Variants in PDE1C observed in about 807,000 individuals in gnomAD.
The protein encoded by PDE1C is dual specificity calcium/calmodulin-dependent 3',5'-cyclic nucleotide phosphodiesterase 1C.
A neutral mutation model predicts 93.1 loss-of-function variants in PDE1C; 62 were observed. That is an observed-to-expected ratio of 0.67 (90% confidence interval 0.54 to 0.82). The LOEUF is 0.82. Among genes scored for constraint, PDE1C ranks in the 40% least tolerant of loss-of-function variants. The pLI is 0.00. For synonymous variants in PDE1C, 325 were observed against 310.1 expected, an observed-to-expected ratio of 1.05 and a Z score of -0.50; for missense variants, 742 against 884.6, an observed-to-expected ratio of 0.84 and a Z score of 2.04.
At chr7:32,194,296 C>T (rs527657106) in intron 2 of PDE1C, among the ~76,000 whole-genome samples, 15 of 152,246 alleles carry the variant, frequency 9.9e-5, no homozygotes, top group African/African-American at 3.6e-4. Context: ...CCTTATTATC[C>T]TTTTGATATC....
At position 32,361,263 on chromosome 7, in the gene PDE1C, G is replaced by A. The variant is rs117046947; in HGVS notation, c.310+66559C>T. On this transcript the variant is annotated intron_variant, in intron 1 of 1. Coordinates refer to the PDE1C transcript ENST00000672256. ...TCCTATCTGCAGTCTTTCACGGTAG[G>A]TGCAAAGGCAGGATGCCCTAAGATG... Among the ~76,000 whole-genome samples the A allele has an allele frequency of 1.1e-4, 17 of 152,302 alleles. No homozygotes were observed. The East Asian group carries it at 2.9e-3, about 26-fold the overall frequency.
At chr7:31,779,678 T>A (rs1783254968) in intron 16 of PDE1C, among the ~76,000 whole-genome samples, 1 of 152,044 alleles carries the variant, frequency 6.6e-6, no homozygotes, top group East Asian at 1.9e-4. Context: ...AAAATAAAAC[T>A]GGTTTTGATT....
chr7:31,857,760 G>T (rs1794201041), intron 7 of PDE1C, among the ~76,000 whole-genome samples: 1 of 152,144 alleles, frequency 6.6e-6, no homozygotes, highest in African/African-American at 2.4e-5. Flanking sequence ...AATAGTGTAA[G>T]AAGATTCTCA....
intron 1 of PDE1C, among the ~76,000 whole-genome samples, chr7:32,266,415 C>T (rs1473626098): frequency 1.3e-5 from 2 of 151,314 alleles, no homozygotes. Flanking sequence ...GCAGGAGAAT[C>T]GCTTGAACAC....
chr7:32,209,527 G>A, exon 2 of PDE1C: 6 of 1,566,426 alleles, frequency 3.8e-6, no homozygotes, highest in Non-Finnish European at 5.2e-6. Flanking sequence ...CTTGTCTCCA[G>A]CTTCATTTGC....
chr7:31,681,053 C>T, the PDE1C span, among the ~76,000 whole-genome samples: 3 of 152,282 alleles, frequency 2.0e-5, no homozygotes, highest in South Asian at 2.1e-4. Context: ...GGGGGAAATG[C>T]TATCATTGAG....
At chr7:31,809,954 G>A (rs996395480) in intron 15 of PDE1C, among the ~76,000 whole-genome samples, 1 of 152,034 alleles carries the variant, frequency 6.6e-6, no homozygotes, top group African/African-American at 2.4e-5. Context: ...GCCCACCATC[G>A]ATTATGGCAA....
the PDE1C span, among the ~76,000 whole-genome samples, chr7:31,676,822 AG>A: frequency 6.6e-6 from 1 of 152,216 alleles, no homozygotes; most frequent in African/African-American, 2.4e-5. Flanking sequence ...AGAAAAAAAA[AG>A]TCATGGTGGG....
intron 1 of PDE1C, among the ~76,000 whole-genome samples, chr7:32,214,994 T>TGATGATGATGAC (rs1806320271): frequency 1.3e-5 from 2 of 151,908 alleles, no homozygotes; most frequent in Admixed American, 6.6e-5. Context: ...ATGATGATGA[T>TGATGATGATGAC]GATGATGCAG....
chr7:31,691,655 G>C, the PDE1C span, among the ~76,000 whole-genome samples: 2 of 151,870 alleles, frequency 1.3e-5, no homozygotes, highest in African/African-American at 2.4e-5. Context: ...GGACAGATTT[G>C]TTCTCATGTC....
Position 32,267,556 on chromosome 7 carries a change from C to T in PDE1C, c.85+31095G>A, listed in dbSNP as rs777671427. On this transcript the variant is annotated intron_variant, in intron 1 of 18. Coordinates refer to the PDE1C transcript ENST00000396193. ...TTCCCTCAAACTACAGAAAATGCAG[C>T]CTCTTTCTCTCTCTCTCACACACAC... Among the ~76,000 whole-genome samples the T allele has an allele frequency of 1.1e-4, 15 of 133,514 alleles. 1 individual carries two copies. The highest frequency in any genetic ancestry group is 9.6e-4 in the Admixed American group (13 of 13,554). The allele number at this position is 133,514 out of a possible 152,430, so 87.6% of individuals were successfully genotyped here. A position where few individuals can be genotyped will look rare whatever the true frequency, so the allele number is the denominator to read the frequency against.
chr7:32,190,925 G>A (rs1013709017), intron 2 of PDE1C, among the ~76,000 whole-genome samples: 1 of 152,138 alleles, frequency 6.6e-6, no homozygotes, highest in African/African-American at 2.4e-5. Flanking sequence ...GGTTTTCTTG[G>A]TGATCAGCAG....
intron 2 of PDE1C, among the ~76,000 whole-genome samples, chr7:31,923,712 A>C (rs1802951529): frequency 1.3e-5 from 2 of 152,194 alleles, no homozygotes; most frequent in South Asian, 4.1e-4. Flanking sequence ...ACCGTGGCTC[A>C]TGCCTATAAT....
At position 32,105,966 on chromosome 7, in the gene PDE1C, T is replaced by C. The variant is rs188769385; in HGVS notation, c.308+63819A>G. On this transcript the variant is annotated intron_variant, in intron 3 of 18. Coordinates refer to the PDE1C transcript ENST00000396193. Reference sequence around the variant, plus strand: ...TAAGAACCACCCCCACCATTTTCTCTCTATCCATGTATACAGCTTACAACT... The same window carrying C: ...TAAGAACCACCCCCACCATTTTCTCCCTATCCATGTATACAGCTTACAACT... Among the ~76,000 whole-genome samples the C allele has an allele frequency of 2.0e-5, 3 of 152,246 alleles. No individual in the cohort carries two copies. The East Asian group carries it at 5.8e-4, about 29-fold the overall frequency.
chr7:32,029,764 A>C (rs1328615705), intron 2 of PDE1C, among the ~76,000 whole-genome samples: 1 of 152,154 alleles, frequency 6.6e-6, no homozygotes, highest in African/African-American at 2.4e-5. Flanking sequence ...TTTTCAAGGC[A>C]ATGAACATTG....
chr7:32,249,824 G>C (rs897363850), intron 1 of PDE1C, among the ~76,000 whole-genome samples: 1 of 152,132 alleles, frequency 6.6e-6, no homozygotes, highest in Non-Finnish European at 1.5e-5. Flanking sequence ...AGGTTCTAAA[G>C]TTAGTTCACG....
At chr7:31,941,768 C>A (rs1391757799) in intron 2 of PDE1C, among the ~76,000 whole-genome samples, 1 of 152,136 alleles carries the variant, frequency 6.6e-6, no homozygotes, top group Non-Finnish European at 1.5e-5. Flanking sequence ...GTGGCCTGGG[C>A]ACATCCCTTA....
chr7:31,839,910 G>A (rs755144270), intron 9 of PDE1C, among the ~76,000 whole-genome samples: 7 of 152,158 alleles, frequency 4.6e-5, no homozygotes, highest in African/African-American at 1.7e-4. Flanking sequence ...TGTGGCATGC[G>A]CCTGTAGTCC....
At chr7:31,667,190 C>A in the PDE1C span, among the ~76,000 whole-genome samples, 1 of 152,082 alleles carries the variant, frequency 6.6e-6, no homozygotes, top group Admixed American at 6.6e-5. Context: ...CTGACCTACC[C>A]GCCTATAGCT....
Sources: allele counts gnomAD v4.1 joint callset (sites outside exome capture counted in the v4.1 genomes callset), GRCh38; gene constraint gnomAD v4.1.1; transcripts MANE v1.5; gene names NCBI Gene and HGNC (gene_info 2026-07-23, HGNC 2026-07-21).